Variants in ZC3H3 observed in about 807,000 individuals in gnomAD.
The protein encoded by ZC3H3 is zinc finger CCCH-type containing 3.
ZC3H3 carries 36 observed loss-of-function variants against 77.3 expected under a neutral mutation model. The ratio of observed to expected loss-of-function variants is 0.47; its 90% CI spans 0.36 to 0.61. The LOEUF (loss-of-function observed/expected upper bound fraction) is 0.61, where lower values mean the gene tolerates loss of function less well. Among genes scored for constraint, ZC3H3 ranks in the 20% least tolerant of loss-of-function variants. ZC3H3 has a pLI of 0.00. For missense variants in ZC3H3, 1,331 were observed against 1,312.2 expected, an observed-to-expected ratio of 1.01 and a Z score of -0.22; for synonymous variants, 626 against 555.2, an observed-to-expected ratio of 1.13 and a Z score of -1.79.
chr8:143,539,800 A>G (rs1822949364), intron 1 of ZC3H3, among the ~76,000 whole-genome samples: 1 of 152,228 alleles, frequency 6.6e-6, no homozygotes. Context: ...CATGCCTGAC[A>G]ACAGGAAAAA....
At chr8:143,495,951 C>T (rs939460351) in intron 4 of ZC3H3, among the ~76,000 whole-genome samples, 6 of 152,124 alleles carry the variant, frequency 3.9e-5, no homozygotes, top group East Asian at 1.9e-4. Flanking sequence ...TCCCACTATA[C>T]GTAAATTCTA....
intron 5 of ZC3H3, among the ~76,000 whole-genome samples, chr8:143,473,981 G>A (rs1050984847): frequency 2.0e-5 from 3 of 152,120 alleles, no homozygotes; most frequent in Non-Finnish European, 4.4e-5. Flanking sequence ...TCCAGAGTCC[G>A]AGGATCAGAG....
intron 3 of ZC3H3, among the ~76,000 whole-genome samples, chr8:143,525,798 C>T (rs1563879995): frequency 6.6e-6 from 1 of 152,254 alleles, no homozygotes; most frequent in Non-Finnish European, 1.5e-5. Flanking sequence ...AGTTCTGTAC[C>T]GAGGGACAGG....
In ZC3H3 at chr8:143,520,248, C is replaced by T. The variant is rs370254180; in HGVS notation, c.1562-12349G>A. ...AACAGAACAAAGAAGAGGCTGAGAG[C>T]TCTTCAGCAGGGGACTGATGTCTCC... On this transcript the variant is annotated intron_variant, in intron 3 of 11. Transcript: ENST00000262577. Among the ~76,000 whole-genome samples, 113 of 152,354 alleles carry T rather than the reference C, an allele frequency of 7.4e-4. 1 individual carries two copies. The South Asian group carries it at 8.7e-3, about 12-fold the overall frequency.
Position 143,505,390 on chromosome 8 carries a change from C to T in ZC3H3, c.1715+2356G>A, listed in dbSNP as rs572620732. 2.6e-5 allele frequency among the ~76,000 whole-genome samples: 4 copies of T among 152,342 alleles called. No individual in the cohort carries two copies. In the East Asian group the frequency reaches 7.7e-4, roughly 29 times the overall value. ...CTAGACCAGCCGCTGGCCCAGACGC[C>T]CTTTCTGCCTAAACAACCCCGAGCC... On this transcript the variant is annotated intron_variant, in intron 4 of 11. Transcript: ENST00000262577.
intron 4 of ZC3H3, among the ~76,000 whole-genome samples, chr8:143,501,164 A>T (rs117336384): frequency 6.1e-4 from 92 of 151,868 alleles, no homozygotes; most frequent in Non-Finnish European, 8.8e-4. Flanking sequence ...ATTCAACACC[A>T]GGGCACCCAG....
chr8:143,537,176 C>T (rs1202150045), intron 2 of ZC3H3, among the ~76,000 whole-genome samples: 2 of 152,196 alleles, frequency 1.3e-5, no homozygotes, highest in Admixed American at 1.3e-4. Flanking sequence ...AGCACTGTGC[C>T]ATGACACCAT....
intron 8 of ZC3H3, among the ~76,000 whole-genome samples, chr8:143,467,609 G>A (rs1216818015): frequency 6.6e-6 from 1 of 152,226 alleles, no homozygotes; most frequent in Non-Finnish European, 1.5e-5. Flanking sequence ...CACCGTGGCT[G>A]AGTCCGGGGC....
At chr8:143,527,853 A>T (rs1822468876) in intron 3 of ZC3H3, among the ~76,000 whole-genome samples, 1 of 152,200 alleles carries the variant, frequency 6.6e-6, no homozygotes. Context: ...GCTCAGCCCC[A>T]CAGCAAACAT....
intron 3 of ZC3H3, among the ~76,000 whole-genome samples, chr8:143,521,131 A>G (rs1439421814): frequency 6.6e-6 from 1 of 152,008 alleles, no homozygotes; most frequent in Non-Finnish European, 1.5e-5. Context: ...AGGGTTCTCA[A>G]CAAGAAAACC....
chr8:143,445,682 C>T (rs989156944), intron 9 of ZC3H3, among the ~76,000 whole-genome samples: 2 of 150,528 alleles, frequency 1.3e-5, no homozygotes, highest in African/African-American at 2.5e-5. Context: ...GACACAGTGA[C>T]ACCCTGTCTC....
At chr8:143,519,652 C>A (rs1323844135) in intron 3 of ZC3H3, among the ~76,000 whole-genome samples, 1 of 152,152 alleles carries the variant, frequency 6.6e-6, no homozygotes, top group Non-Finnish European at 1.5e-5. Context: ...TGTGCGTGCA[C>A]ATGCGCCACA....
At chr8:143,532,399 T>C (rs1052303434) in intron 3 of ZC3H3, among the ~76,000 whole-genome samples, 5 of 152,178 alleles carry the variant, frequency 3.3e-5, no homozygotes, top group Non-Finnish European at 1.5e-5. Context: ...AGGGCAGTCG[T>C]CCCCAGCTGG....
rs535270671 is a variant in ZC3H3, at chr8:143,480,352, C to T, written c.1716-4767G>A. ...GGCCACTGCTGCCAAGTGGCCCATG[C>T]AAGGACTCTGAGGACCAACCCTGGA... On this transcript the variant is annotated intron_variant, in intron 4 of 11. Coordinates refer to ENST00000262577, the MANE Select transcript of ZC3H3 (RefSeq NM_015117.3). 9.2e-5 allele frequency among the ~76,000 whole-genome samples: 14 copies of T among 152,346 alleles called. No homozygotes were observed. In the South Asian group the frequency reaches 2.9e-3, roughly 32 times the overall value.
At chr8:143,535,751 T>G (rs1463139224) in intron 3 of ZC3H3, among the ~76,000 whole-genome samples, 1 of 152,216 alleles carries the variant, frequency 6.6e-6, no homozygotes, top group Non-Finnish European at 1.5e-5. Context: ...CAGGCGTGAC[T>G]GGGCACACTT....
chr8:143,438,522 C>T (rs375207285), intron 11 of ZC3H3, among the ~76,000 whole-genome samples: 2 of 152,162 alleles, frequency 1.3e-5, no homozygotes, highest in East Asian at 3.9e-4. Context: ...TGTGGAAAGC[C>T]GGGGTGCACA....
Position 143,475,459 on chromosome 8 carries a change from G to C in ZC3H3, c.1842C>G (p.Asn614Lys). The change falls in exon 5 of 12, where the codon AAC becomes AAG. Residue 614 changes from asparagine to lysine, a missense_variant. Asn to Lys is a moderately conservative substitution (Grantham distance 94). Transcript: ENST00000262577. ...GCTGGCCGGAGGTCTTGGAGAGCTT[G>C]TTGGCAGATACTTTGTAGAGGACCC... is the stretch of plus-strand genomic sequence containing the variant. ...IGGVLYKVSA[N>K]KLSKTSGQPS... 1.2e-6 allele frequency: 2 copies of C among 1,613,204 alleles called. No homozygotes were observed. Among genetic ancestry groups the C allele is most frequent in the Non-Finnish European group, 1.7e-6 (2 of 1,179,958 alleles).
Position 143,541,432 on chromosome 8 carries a change from C to A in ZC3H3, c.-11G>T, listed in dbSNP as rs372346446. On this transcript the variant is annotated 5_prime_UTR_variant, in exon 1 of 12. Transcript: ENST00000262577. The stretch of plus-strand genomic sequence containing the variant: ...CTCCTTTTCCTCCATCTCCCGAGTC[C>A]GCGACGGCCGGCCAGGCCCCCACGA... 2.5e-6 allele frequency: 4 copies of A among 1,611,418 alleles called. No homozygotes were observed. The highest frequency in any genetic ancestry group is 3.4e-6 in the Non-Finnish European group (4 of 1,179,310).
chr8:143,538,912 G>T lies in ZC3H3; in HGVS notation c.455C>A (p.Thr152Asn), dbSNP rs756959546. 5.6e-6 allele frequency: 9 copies of T among 1,612,892 alleles called. No homozygotes were observed. The Admixed American group carries it at 1.0e-4, about 18-fold the overall frequency. The stretch of plus-strand genomic sequence containing the variant: ...CCGGGGCCTTTGGTCACTCCAGGGG[G>T]TTTCCTCAAATTCTTCCAAAGAGCC... ...QRGSLEEFEE[T>N]PWSDQRPREG... is the part of the protein sequence containing the mutation. Residue 152 changes from threonine to asparagine, a missense_variant, in exon 2 of 12, where the codon ACC (threonine) becomes AAC (asparagine). Thr to Asn is a moderately conservative substitution (Grantham distance 65). Transcript: ENST00000262577.
Sources: gnomAD v4.1 joint callset for allele counts (sites outside exome capture counted in the v4.1 genomes callset) on GRCh38, gnomAD v4.1.1 for gene constraint, MANE v1.5 for transcripts, NCBI Gene and HGNC (gene_info 2026-07-23, HGNC 2026-07-21) for gene names.